Variants in JAKMIP2 observed in about 807,000 individuals in gnomAD.
JAKMIP2 encodes janus kinase and microtubule-interacting protein 2.
Under a neutral mutation model 115.0 loss-of-function variants are expected in JAKMIP2, and 25 were observed. The observed-to-expected ratio is 0.22, with a 90% confidence interval of 0.16 to 0.30. The LOEUF (loss-of-function observed/expected upper bound fraction) is 0.30, where lower values mean the gene tolerates loss of function less well. JAKMIP2 is among the 10% of genes least tolerant of loss of function. JAKMIP2 has a pLI of 1.00. For synonymous variants in JAKMIP2, 334 were observed against 343.6 expected (o/e 0.97, Z 0.31); for missense variants, 642 against 957.6 (o/e 0.67, Z 4.35).
At chr5:147,715,102 C>T (rs771522385) in intron 1 of JAKMIP2, among the ~76,000 whole-genome samples, 15 of 145,840 alleles carry the variant, frequency 1.0e-4, no homozygotes, top group Non-Finnish European at 2.2e-4. Context: ...TACAATTATT[C>T]TTTGATAAGA....
intron 1 of JAKMIP2, among the ~76,000 whole-genome samples, chr5:147,781,828 T>C (rs986464093): frequency 6.6e-6 from 1 of 152,152 alleles, no homozygotes; most frequent in Non-Finnish European, 1.5e-5. Flanking sequence ...ATAAATGCAA[T>C]ATAAATGCTA....
intron 20 of JAKMIP2, among the ~76,000 whole-genome samples, chr5:147,605,405 T>A (rs1755953918): frequency 6.6e-6 from 1 of 151,938 alleles, no homozygotes; most frequent in Non-Finnish European, 1.5e-5. Context: ...GAGACAGGGT[T>A]TCACCGTGTT....
At chr5:147,671,395 G>C (rs989403631) in intron 2 of JAKMIP2, among the ~76,000 whole-genome samples, 3 of 152,226 alleles carry the variant, frequency 2.0e-5, no homozygotes, top group African/African-American at 7.2e-5. Context: ...TTTGGCGGTG[G>C]TAAGGGACAC....
At chr5:147,645,758 C>T (rs1758104662) in intron 5 of JAKMIP2, among the ~76,000 whole-genome samples, 1 of 152,046 alleles carries the variant, frequency 6.6e-6, no homozygotes, top group African/African-American at 2.4e-5. Flanking sequence ...GGATGTTTAG[C>T]GGCATCCTTG....
At chr5:147,675,992 A>G (rs1759929193) in intron 1 of JAKMIP2, among the ~76,000 whole-genome samples, 1 of 152,062 alleles carries the variant, frequency 6.6e-6, no homozygotes, top group Non-Finnish European at 1.5e-5. Flanking sequence ...TCAGGCTTCT[A>G]CAGAAGCTGC....
Position 147,636,218 on chromosome 5 carries a change from A to C in JAKMIP2, c.1677+4T>G, listed in dbSNP as rs770048626. 1.9e-6 allele frequency: 3 copies of C among 1,612,426 alleles called. No individual in the cohort carries two copies. The South Asian group carries it at 3.3e-5, about 18-fold the overall frequency. ...GCCCCGCTAGGGTGTTGTGCCCAAC[A>C]TACCTTTTCTAAAAGCTCCTGGTTT... On this transcript the variant is annotated splice_donor_region_variant and intron_variant, in intron 12 of 21. Coordinates refer to ENST00000616793, the MANE Select transcript of JAKMIP2 (RefSeq NM_001270941.2).
chr5:147,695,905 C>T (rs1752087595), intron 1 of JAKMIP2, among the ~76,000 whole-genome samples: 2 of 152,032 alleles, frequency 1.3e-5, no homozygotes, highest in Non-Finnish European at 2.9e-5. Flanking sequence ...TTATATTATA[C>T]ATTTTAAAGC....
At chr5:147,602,694 A>T (rs962953897) in intron 20 of JAKMIP2, among the ~76,000 whole-genome samples, 10 of 152,210 alleles carry the variant, frequency 6.6e-5, no homozygotes, top group East Asian at 5.8e-4. Flanking sequence ...GGTCAGTTTT[A>T]AAAAAAATAA....
chr5:147,655,063 A>C (rs554772717), intron 3 of JAKMIP2, among the ~76,000 whole-genome samples: 1 of 152,326 alleles, frequency 6.6e-6, no homozygotes, highest in African/African-American at 2.4e-5. Context: ...TGACTTGATC[A>C]TGGTGGATAA....
chr5:147,640,779 C>T lies in JAKMIP2; in HGVS notation c.1326G>A (p.Met442Ile). The T allele has an allele frequency of 6.2e-7, 1 of 1,613,306 alleles. No individual in the cohort carries two copies. Among genetic ancestry groups the T allele is most frequent in the Non-Finnish European group, 8.5e-7 (1 of 1,179,476 alleles). ...AGGCCATGGATGATGTCTCTGAATC[C>T]ATAGAGTCCTCATCATAGCCAATAA... ...DPFIGYDEDS[M>I]DSETSSMASF... Residue 442 changes from methionine (M) to isoleucine (I), a missense_variant, in exon 9 of 22, where the codon ATG (methionine) becomes ATA (isoleucine). Transcript: ENST00000616793.
intron 1 of JAKMIP2, among the ~76,000 whole-genome samples, chr5:147,692,292 C>T (rs1362791424): frequency 2.6e-5 from 4 of 152,136 alleles, no homozygotes; most frequent in Admixed American, 6.6e-5. Context: ...GAAGAGAGGA[C>T]GGAATAGTCT....
chr5:147,655,525 T>C (rs539042652), intron 3 of JAKMIP2, among the ~76,000 whole-genome samples: 1 of 152,328 alleles, frequency 6.6e-6, no homozygotes, highest in Admixed American at 6.5e-5. Flanking sequence ...TAGTTTGTAC[T>C]GCTATGGAGT....
At chr5:147,675,937 T>C (rs1759925497) in intron 1 of JAKMIP2, among the ~76,000 whole-genome samples, 1 of 152,182 alleles carries the variant, frequency 6.6e-6, no homozygotes, top group South Asian at 2.1e-4. Context: ...TATTCATTCA[T>C]TGCCTGATGG....
chr5:147,685,245 A>G (rs1301601757), intron 1 of JAKMIP2, among the ~76,000 whole-genome samples: 2 of 152,206 alleles, frequency 1.3e-5, no homozygotes, highest in African/African-American at 4.8e-5. Context: ...GCAATAGTCA[A>G]AGAGAGAAGG....
At chr5:147,730,277 T>C (rs1462714000) in intron 1 of JAKMIP2, among the ~76,000 whole-genome samples, 1 of 152,172 alleles carries the variant, frequency 6.6e-6, no homozygotes, top group African/African-American at 2.4e-5. Context: ...CAAACTTTCA[T>C]CAGGGTCCTA....
At chr5:147,758,324 C>T (rs1754818031) in intron 1 of JAKMIP2, among the ~76,000 whole-genome samples, 1 of 152,018 alleles carries the variant, frequency 6.6e-6, no homozygotes, top group Non-Finnish European at 1.5e-5. Context: ...TAGCTAAATG[C>T]AAATGAAGGC....
At chr5:147,619,864 T>G (rs534799628) in intron 18 of JAKMIP2, among the ~76,000 whole-genome samples, 1 of 152,306 alleles carries the variant, frequency 6.6e-6, no homozygotes, top group African/African-American at 2.4e-5. Context: ...TCTCTAAATC[T>G]TACTATCCTC....
chr5:147,700,715 T>C (rs1752291859), intron 1 of JAKMIP2, among the ~76,000 whole-genome samples: 1 of 152,192 alleles, frequency 6.6e-6, no homozygotes, highest in African/African-American at 2.4e-5. Context: ...ATTAGCAATC[T>C]CTGAGGGAAA....
rs183793799 is a variant in JAKMIP2 at position 147,603,485 on chromosome 5, G to A, written c.2413-1674C>T. On this transcript the variant is annotated intron_variant, in intron 20 of 21. Transcript: ENST00000616793. Reference sequence around the variant, plus strand: ...GGGGATATTACATGTACCCTGAGTGGGTGTTCACGTACCACAAGGGAAGAA... The same window carrying A: ...GGGGATATTACATGTACCCTGAGTGAGTGTTCACGTACCACAAGGGAAGAA... Among the ~76,000 whole-genome samples, 129 of 152,260 alleles carry A rather than the reference G, an allele frequency of 8.5e-4. 3 individuals are homozygous for A. Among genetic ancestry groups the A allele is most frequent in the African/African-American group, 3.0e-3 (123 of 41,544 alleles).
Sources: allele counts gnomAD v4.1 joint callset (sites outside exome capture counted in the v4.1 genomes callset), GRCh38; gene constraint gnomAD v4.1.1; transcripts MANE v1.5; gene names NCBI Gene and HGNC (gene_info 2026-07-23, HGNC 2026-07-21).